Variants in TOE1 observed in about 807,000 individuals in gnomAD.
TOE1 encodes target of EGR1 protein 1.
TOE1 carries 50 observed loss-of-function variants against 49.2 expected under a neutral mutation model. The ratio of observed to expected loss-of-function variants is 1.02; its 90% confidence interval spans 0.81 to 1.29. TOE1 has a LOEUF of 1.29. Ranked by LOEUF, TOE1 falls within the 50% of genes most tolerant of loss-of-function variation. The probability of loss-of-function intolerance (pLI) is 0.00; values close to 1 mark genes in which losing one functional copy is unlikely to be tolerated. For synonymous variants in TOE1, 221 were observed against 247.0 expected (o/e 0.89, Z 0.99); for missense variants, 544 against 654.4 (o/e 0.83, Z 1.84).
Position 45,343,896 on chromosome 1 carries a change from G to A in TOE1, c.*194G>A. 1 of 492,480 alleles carries A rather than the reference G, an allele frequency of 2.0e-6. No homozygotes were observed. The highest frequency in any genetic ancestry group is 3.2e-5 in the East Asian group (1 of 31,480). 30.5% of individuals were successfully genotyped at this position (492,480 alleles called of 1,614,324 possible). A position where few individuals can be genotyped will look rare whatever the true frequency, so the allele number is the denominator to read the frequency against. On this transcript the variant is annotated 3_prime_UTR_variant, in exon 8 of 8. Transcript: ENST00000372090. This position sits in a 1 kb window ranked among gnomAD's most constrained non-coding sequence, Gnocchi z 4.3. ...AAGGCTGACCAGCACCTGTAACACT[G>A]ACTTTATTTTTAAGTCTGAAAATGT...
At position 45,343,621 on chromosome 1, in the gene TOE1, C is replaced by G. The variant is rs1647092344; in HGVS notation, c.1452C>G (p.Pro484=). 6.2e-7 allele frequency: 1 copy of G among 1,614,106 alleles called. No individual in the cohort carries two copies. Among genetic ancestry groups the G allele is most frequent in the Non-Finnish European group, 8.5e-7 (1 of 1,180,010 alleles). The change falls in exon 8 of 8, where the codon CCC becomes CCG. Residue 484 remains proline (P), a synonymous_variant. Transcript: ENST00000372090. The surrounding 1 kb of genome is among the most constrained non-coding windows in gnomAD (Gnocchi z 4.3). ...NKVYLSGKAV[P]LTVAKSQFSR... Reference sequence around the variant, plus strand: ...TATATTTGAGTGGCAAAGCTGTACCCCTCACAGTGGCCAAGAGCCAGTTCT... The same window carrying G: ...TATATTTGAGTGGCAAAGCTGTACCGCTCACAGTGGCCAAGAGCCAGTTCT...
intron 6 of TOE1, 39 bp downstream of exon 6, chr1:45,342,682 C>A (rs772678868): frequency 1.9e-6 from 3 of 1,608,376 alleles, no homozygotes; most frequent in Non-Finnish European, 2.6e-6. Context: ...GGGCCTGATA[C>A]GAGTTTATTT....
chr1:45,341,901 A>G, intron 4 of TOE1, 48 bp from the exon 5 acceptor site: 2 of 1,597,630 alleles, frequency 1.3e-6, no homozygotes, highest in Non-Finnish European at 1.7e-6. Flanking sequence ...GCATCCTCCT[A>G]GCTTGGCTCT....
rs777366352 is a variant in TOE1, at chr1:45,342,369, T to C, written c.493-15T>C. On this transcript the variant is annotated splice_polypyrimidine_tract_variant and intron_variant, in intron 5 of 7. Coordinates refer to ENST00000372090, the MANE Select transcript of TOE1 (RefSeq NM_025077.4). ...GGACTCTGTCCTCCTCATTGACCCCTTTACTTTCATCTAGGGTGATGAGAG... is the reference window on the plus strand; with the variant it reads ...GGACTCTGTCCTCCTCATTGACCCCCTTACTTTCATCTAGGGTGATGAGAG... The C allele has an allele frequency of 1.7e-5, 27 of 1,612,988 alleles. No individual in the cohort carries two copies. Among genetic ancestry groups the C allele is most frequent in the Non-Finnish European group, 1.7e-5 (20 of 1,179,298 alleles).
rs561721650 is a variant in TOE1 at position 45,342,916 on chromosome 1, A to G, written c.826A>G (p.Ser276Gly). ...CCTGGAGTTCTGCAACTATCCTTCC[A>G]GCATGAGGGACCATATTGATTACCG... ...LTLEFCNYPSSMRDHIDYRCC... is the reference protein window; with the variant it reads ...LTLEFCNYPSGMRDHIDYRCC... Residue 276 changes from serine to glycine, a missense_variant, in exon 7 of 8, where the codon AGC becomes GGC. Ser to Gly is a moderately conservative substitution (Grantham distance 56). Transcript: ENST00000372090. The G allele has an allele frequency of 3.9e-5, 63 of 1,613,780 alleles. No homozygotes were observed. In the South Asian group the frequency reaches 6.6e-4, roughly 17 times the overall value.
chr1:45,340,497 G>A, intron 1 of TOE1, 193 bp downstream of exon 1: 1 of 1,443,692 alleles, frequency 6.9e-7, no homozygotes, highest in East Asian at 2.5e-5. Context: ...TGGGAGCATG[G>A]GGCTGATGGA....
At position 45,343,647 on chromosome 1, in the gene TOE1, C is replaced by G; in HGVS notation, c.1478C>G (p.Ser493Cys). Residue 493 changes from serine (S) to cysteine (C), a missense_variant, in exon 8 of 8, where the codon TCT (serine) becomes TGT (cysteine). Coordinates refer to ENST00000372090, the MANE Select transcript of TOE1 (RefSeq NM_025077.4). The surrounding 1 kb of genome is among the most constrained non-coding windows in gnomAD (Gnocchi z 4.3). ...CTCACAGTGGCCAAGAGCCAGTTCTCTCGTTCCTCCAAAGCCCACAATCAG... is the reference window on the plus strand; with the variant it reads ...CTCACAGTGGCCAAGAGCCAGTTCTGTCGTTCCTCCAAAGCCCACAATCAG... Reference protein sequence around the residue: ...VPLTVAKSQFSRSSKAHNQKM... With the variant: ...VPLTVAKSQFCRSSKAHNQKM... 2 of 1,613,606 alleles carry G rather than the reference C, an allele frequency of 1.2e-6. No homozygotes were observed. The highest frequency in any genetic ancestry group is 1.3e-5 in the African/African-American group (1 of 74,998).
rs754990755 is a variant in TOE1 at position 45,342,848 on chromosome 1, G to A, written c.758G>A (p.Arg253Gln). Residue 253 changes from arginine to glutamine, a missense_variant, in exon 7 of 8, where the codon CGG becomes CAG. Transcript: ENST00000372090. ...ACCCTCTTGCGCTGTTGCAGTGAAC[G>A]GGAAAATGGGAAGCAGCGGGCAGCT... The part of the protein sequence containing the change: ...YLEYAFRKCE[R>Q]ENGKQRAAGS... 4.3e-6 allele frequency: 7 copies of A among 1,613,974 alleles called. No homozygotes were observed. Among genetic ancestry groups the A allele is most frequent in the East Asian group, 2.2e-5 (1 of 44,886 alleles).
At position 45,341,555 on chromosome 1, in the gene TOE1, C is replaced by T. The variant is rs1360570028; in HGVS notation, c.319C>T (p.Arg107Trp). 1.7e-5 allele frequency: 28 copies of T among 1,613,386 alleles called. No individual in the cohort carries two copies. Among genetic ancestry groups the T allele is most frequent in the Admixed American group, 8.3e-5 (5 of 59,900 alleles). Residue 107 changes from arginine to tryptophan, a missense_variant, in exon 4 of 8, where the codon CGG (arginine) becomes TGG (tryptophan). Physicochemically the swap from Arg to Trp is moderately radical, Grantham distance 101. Coordinates refer to ENST00000372090, the MANE Select transcript of TOE1 (RefSeq NM_025077.4). Reference protein sequence around the residue: ...ILSLGLACFKRQPDKGEHSYL... With the variant: ...ILSLGLACFKWQPDKGEHSYL... ...TTCCCTGGGCCTCGCCTGCTTCAAG[C>T]GGCAGCCAGACAAGGTATGAGCTGA...
chr1:45,343,029 A>T lies in TOE1; in HGVS notation c.912+27A>T, dbSNP rs767740951. The T allele has an allele frequency of 1.2e-6, 2 of 1,613,504 alleles. No individual in the cohort carries two copies. The highest frequency in any genetic ancestry group is 1.7e-6 in the Non-Finnish European group (2 of 1,179,800). On this transcript the variant is annotated intron_variant, in intron 7 of 7. Coordinates refer to ENST00000372090, the MANE Select transcript of TOE1 (RefSeq NM_025077.4). This position sits in a 1 kb window ranked among gnomAD's most constrained non-coding sequence, Gnocchi z 4.3. ...TGAGAGCACCCACCTGTTTCTTGGG[A>T]GGGAAGGTTCTGATGCCTGGAGCCT...
chr1:45,341,826 C>A, intron 4 of TOE1, 123 bp from the exon 5 acceptor site: 1 of 1,069,604 alleles, frequency 9.3e-7, no homozygotes, highest in Non-Finnish European at 1.4e-6. Flanking sequence ...GTCTTTTATC[C>A]CTCACCTGCC....
In TOE1 at chr1:45,340,203, C is replaced by G. The variant is rs748512468; in HGVS notation, c.-50C>G. ...GCCTGAACCGCGCCAGGAGACGGAC[C>G]GCAAGTCCAGCGTACCCACAGACGA... On this transcript the variant is annotated 5_prime_UTR_variant, in exon 1 of 8. Transcript: ENST00000372090. The G allele has an allele frequency of 6.2e-7, 1 of 1,613,624 alleles. No homozygotes were observed. Among genetic ancestry groups the G allele is most frequent in the Non-Finnish European group, 8.5e-7 (1 of 1,179,970 alleles).
chr1:45,342,102 G>A lies in TOE1; in HGVS notation c.487G>A (p.Asp163Asn). 1 of 1,613,752 alleles carries A rather than the reference G, an allele frequency of 6.2e-7. No individual in the cohort carries two copies. Among genetic ancestry groups the A allele is most frequent in the Non-Finnish European group, 8.5e-7 (1 of 1,179,820 alleles). Residue 163 changes from aspartate (D) to asparagine (N), a missense_variant, in exon 5 of 8, where the codon GAC (aspartate) becomes AAC (asparagine). Asp to Asn is a conservative substitution (Grantham distance 23). Coordinates refer to ENST00000372090, the MANE Select transcript of TOE1 (RefSeq NM_025077.4). Reference sequence around the variant, plus strand: ...AGGCATCCCCTACCATAAGGGCAATGACAAGGTAGGCCTCTAGCCTCCCTA... The same window carrying A: ...AGGCATCCCCTACCATAAGGGCAATAACAAGGTAGGCCTCTAGCCTCCCTA... The part of the protein sequence containing the change: ...AQGIPYHKGN[D>N]KGDESQSQSV...
rs1489425794 is a variant in TOE1, at chr1:45,341,358, T to C, written c.236+15T>C. On this transcript the variant is annotated intron_variant, in intron 3 of 7. Transcript: ENST00000372090. Reference sequence around the variant, plus strand: ...TTGCTGAACCAGTAAGTATAAGCCCTTTTCTCTTTAGTGCCAGCCCTCAAC... The same window carrying C: ...TTGCTGAACCAGTAAGTATAAGCCCCTTTCTCTTTAGTGCCAGCCCTCAAC... 1 of 1,614,092 alleles carries C rather than the reference T, an allele frequency of 6.2e-7. No individual in the cohort carries two copies. The highest frequency in any genetic ancestry group is 1.1e-5 in the South Asian group (1 of 91,072).
chr1:45,342,349 CTG>C (rs759563427), intron 5 of TOE1, 33 bp from the exon 6 acceptor site: 1 of 1,607,482 alleles, frequency 6.2e-7, no homozygotes, highest in Non-Finnish European at 8.5e-7. Flanking sequence ...CTGGGGGACT[CTG>C]TCCTCCTCAT....
chr1:45,340,935 C>A, intron 1 of TOE1, 138 bp from the exon 2 acceptor site: 3 of 1,233,386 alleles, frequency 2.4e-6, no homozygotes, highest in Non-Finnish European at 3.5e-6. Context: ...GTGTAGAACA[C>A]GTGGGTTACA....
chr1:45,340,736 A>G (rs1646894196), intron 1 of TOE1, among the ~76,000 whole-genome samples: 1 of 152,160 alleles, frequency 6.6e-6, no homozygotes, highest in African/African-American at 2.4e-5. Context: ...GGGAGCTGAG[A>G]TCCTCAAGCC....
In TOE1 at chr1:45,343,655, T is replaced by A; in HGVS notation, c.1486T>A (p.Ser496Thr). The A allele has an allele frequency of 6.2e-7, 1 of 1,612,416 alleles. No individual in the cohort carries two copies. Among genetic ancestry groups the A allele is most frequent in the Non-Finnish European group, 8.5e-7 (1 of 1,178,602 alleles). The change falls in exon 8 of 8, where the codon TCC (serine) becomes ACC (threonine). Residue 496 changes from serine (S) to threonine (T), a missense_variant. Ser to Thr is a moderately conservative substitution (Grantham distance 58). Coordinates refer to ENST00000372090, the MANE Select transcript of TOE1 (RefSeq NM_025077.4). This position sits in a 1 kb window ranked among gnomAD's most constrained non-coding sequence, Gnocchi z 4.3. ...GGCCAAGAGCCAGTTCTCTCGTTCC[T>A]CCAAAGCCCACAATCAGAAGATGAA... ...TVAKSQFSRS[S>T]KAHNQKMKLT... is the part of the protein sequence containing the mutation.
rs766179163 is a variant in TOE1, at chr1:45,343,201, A to G, written c.1032A>G (p.Lys344=). 2 of 1,613,800 alleles carry G rather than the reference A, an allele frequency of 1.2e-6. No individual in the cohort carries two copies. Among genetic ancestry groups the G allele is most frequent in the Non-Finnish European group, 1.7e-6 (2 of 1,179,954 alleles). ...GGCGACGGCGACGACGTAGGGAAAA[A>G]CGGAAGAGGGCTTTATTGAACCTAC... ...DKRRRRRRRE[K]RKRALLNLPG... The change falls in exon 8 of 8, where the codon AAA becomes AAG. Residue 344 remains lysine, a synonymous_variant. Coordinates refer to ENST00000372090, the MANE Select transcript of TOE1 (RefSeq NM_025077.4). This position sits in a 1 kb window ranked among gnomAD's most constrained non-coding sequence, Gnocchi z 4.3.
Sources: gnomAD v4.1 joint callset for allele counts (sites outside exome capture counted in the v4.1 genomes callset) on GRCh38, gnomAD v4.1.1 for gene constraint, Gnocchi (gnomAD v3.1) non-coding constraint, MANE v1.5 for transcripts, NCBI Gene and HGNC (gene_info 2026-07-23, HGNC 2026-07-21) for gene names.